CCDC9: variants seen among roughly 807,000 people sequenced by gnomAD.
CCDC9 encodes the protein coiled-coil domain containing 9.
A neutral mutation model predicts 65.6 loss-of-function variants in CCDC9; 52 were observed. The observed-to-expected ratio is 0.79, with a 90% CI of 0.63 to 1.00. The LOEUF is 1.00. Ranked by LOEUF, CCDC9 falls within the 50% of genes least tolerant of loss-of-function variation. The pLI is 0.00. For synonymous variants in CCDC9, 332 were observed against 280.3 expected, an observed-to-expected ratio of 1.18 and a Z score of -1.84; for missense variants, 834 against 757.2, an observed-to-expected ratio of 1.10 and a Z score of -1.19.
rs369662002 is a variant in CCDC9, at chr19:47,267,114, G to A, written c.902+322G>A. On this transcript the variant is annotated intron_variant, in intron 8 of 11. Transcript: ENST00000221922. ...CGAATAGCTGGGACTACAGGCGTCC[G>A]CCACCACGTCCAACTAATTTTTTGT... Among the ~76,000 whole-genome samples the A allele has an allele frequency of 1.1e-4, 17 of 151,558 alleles. 1 individual carries two copies. The East Asian group carries it at 3.0e-3, about 26-fold the overall frequency.
At chr19:47,273,543 C>T, downstream of CCDC9, 1 of 460,488 alleles carries the variant, frequency 2.2e-6, no homozygotes, top group Non-Finnish European at 3.5e-6. Context: ...CTGCCACACT[C>T]CAGCCAGGAG....
chr19:47,270,432 C>G lies in CCDC9; in HGVS notation c.928C>G (p.His310Asp). The change falls in exon 9 of 12, where the codon CAT (histidine) becomes GAT (aspartate). Residue 310 changes from histidine to aspartate, a missense_variant. His to Asp is a moderately conservative substitution (Grantham distance 81). Coordinates refer to ENST00000221922, the MANE Select transcript of CCDC9 (RefSeq NM_015603.3). ...GMFKDGPVPA[H>D]EPSHRYDDQA... ...GTTCAAGGATGGCCCAGTCCCTGCC[C>G]ATGAACCATCCCACCGCTATGGTGA... is the stretch of plus-strand genomic sequence containing the variant. The G allele has an allele frequency of 6.2e-7, 1 of 1,614,204 alleles. No homozygotes were observed. Among genetic ancestry groups the G allele is most frequent in the Non-Finnish European group, 8.5e-7 (1 of 1,180,034 alleles).
downstream of CCDC9, chr19:47,273,568 G>A: frequency 2.3e-6 from 1 of 426,726 alleles, no homozygotes; most frequent in East Asian, 3.6e-5. Flanking sequence ...TTAAATCTAA[G>A]GGGGGAGGAG....
chr19:47,264,660 A>G lies in CCDC9; in HGVS notation c.520A>G (p.Ile174Val), dbSNP rs2059068440. Reference sequence around the variant, plus strand: ...GAAGATGAATGAGGAGATGGAGAAGATCGCCGAGTATGAGCGCAACCAGCG... The same window carrying G: ...GAAGATGAATGAGGAGATGGAGAAGGTCGCCGAGTATGAGCGCAACCAGCG... The part of the protein sequence containing the change: ...IEKMNEEMEK[I>V]AEYERNQREG... Residue 174 changes from isoleucine to valine, a missense_variant, in exon 6 of 12, where the codon ATC becomes GTC. Physicochemically the swap from Ile to Val is conservative, Grantham distance 29. Coordinates refer to ENST00000221922, the MANE Select transcript of CCDC9 (RefSeq NM_015603.3). 1 of 1,604,878 alleles carries G rather than the reference A, an allele frequency of 6.2e-7. No homozygotes were observed. Among genetic ancestry groups the G allele is most frequent in the African/African-American group, 1.3e-5 (1 of 74,794 alleles).
downstream of CCDC9, chr19:47,275,219 CG>C: frequency 6.5e-7 from 1 of 1,528,784 alleles, no homozygotes; most frequent in Non-Finnish European, 8.8e-7. Flanking sequence ...TGGGAGTCCC[CG>C]GCGGGCCGCG....
Position 47,271,268 on chromosome 19 carries a change from C to T in CCDC9, c.1192-6C>T, listed in dbSNP as rs759039484. The stretch of plus-strand genomic sequence containing the variant: ...GCCTTGCCCTGACTTGCCTGTGTCC[C>T]CAAAGCCACCCGAGATCCCAGCTCC... On this transcript the variant is annotated splice_polypyrimidine_tract_variant and splice_region_variant and intron_variant, in intron 11 of 11. Coordinates refer to ENST00000221922, the MANE Select transcript of CCDC9 (RefSeq NM_015603.3). The T allele has an allele frequency of 1.9e-6, 3 of 1,611,964 alleles. No individual in the cohort carries two copies. Among genetic ancestry groups the T allele is most frequent in the East Asian group, 4.5e-5 (2 of 44,814 alleles).
chr19:47,271,720 TGTGTGTGTGTGTGCGCGCGCGCGCGCGC>T lies in CCDC9; in HGVS notation c.*44_*71del, dbSNP rs780662769. The stretch of plus-strand genomic sequence containing the variant: ...GTGTGTGTGTGTGTGTGTGTGTGTG[TGTGTGTGTGTGTGCGCGCGCGCGCGCGC>T]GCGCGCGCGCGCTAGAGGGGTGTGG... On this transcript the variant is annotated 3_prime_UTR_variant, in exon 12 of 12. Transcript: ENST00000221922. 112 of 1,371,006 alleles carry T rather than the reference TGTGTGTGTGTGTGCGCGCGCGCGCGCGC, an allele frequency of 8.2e-5. No homozygotes were observed. The highest frequency in any genetic ancestry group is 4.2e-4 in the African/African-American group (20 of 47,428). The allele number at this position is 1,371,006 out of a possible 1,614,324, so 84.9% of individuals were successfully genotyped here.
intron 3 of CCDC9, 100 bp from the exon 4 acceptor site, chr19:47,260,221 G>A: frequency 1.2e-6 from 1 of 806,774 alleles, no homozygotes; most frequent in Non-Finnish European, 2.1e-6. Flanking sequence ...CAGGAGAGAG[G>A]CCTGGGCTGG....
Position 47,260,847 on chromosome 19 carries a change from C to T in CCDC9, c.462+8C>T, listed in dbSNP as rs780210229. The T allele has an allele frequency of 2.5e-6, 4 of 1,605,392 alleles. No individual in the cohort carries two copies. The highest frequency in any genetic ancestry group is 2.5e-6 in the Non-Finnish European group (3 of 1,177,100). On this transcript the variant is annotated splice_region_variant and intron_variant, in intron 5 of 11. Transcript: ENST00000221922. ...TCTGACCGTAAATCCAAGGTAGGAG[C>T]TAGGCAGCGCCTGGAGCCCTGGCTG... is the stretch of plus-strand genomic sequence containing the variant.
downstream of CCDC9, chr19:47,275,315 G>A (rs927029786): frequency 3.2e-6 from 5 of 1,546,104 alleles, no homozygotes; most frequent in Non-Finnish European, 4.4e-6. Flanking sequence ...CCAGAGAGAC[G>A]CCAGAGGCCG....
At chr19:47,262,016 C>T (rs1165526969) in intron 5 of CCDC9, among the ~76,000 whole-genome samples, 2 of 123,384 alleles carry the variant, frequency 1.6e-5, no homozygotes, top group African/African-American at 5.5e-5. Flanking sequence ...AGTGAAACTC[C>T]GTCTCAAAAA....
At chr19:47,269,162 C>T (rs1254772435) in intron 8 of CCDC9, among the ~76,000 whole-genome samples, 1 of 151,996 alleles carries the variant, frequency 6.6e-6, no homozygotes, top group African/African-American at 2.4e-5. Flanking sequence ...GAGTCCTCCT[C>T]TATGTCATGG....
At chr19:47,274,054 G>C, downstream of CCDC9, 1 of 858,092 alleles carries the variant, frequency 1.2e-6, no homozygotes, top group Non-Finnish European at 1.4e-6. Flanking sequence ...GGTTTATCTG[G>C]ATTTCCAGGC....
In CCDC9 at chr19:47,271,465, C is replaced by G. The variant is rs761956394; in HGVS notation, c.1383C>G (p.Pro461=). The change falls in exon 12 of 12, where the codon CCC becomes CCG. Residue 461 remains proline (P), a synonymous_variant. Transcript: ENST00000221922. ...QAPEAAPTGI[P]CSEQAHGVPF... ...CAGAGGCTGCCCCCACCGGGATCCCCTGCAGTGAGCAGGCCCACGGAGTCC... is the reference window on the plus strand; with the variant it reads ...CAGAGGCTGCCCCCACCGGGATCCCGTGCAGTGAGCAGGCCCACGGAGTCC... 1 of 1,613,780 alleles carries G rather than the reference C, an allele frequency of 6.2e-7. No homozygotes were observed. Among genetic ancestry groups the G allele is most frequent in the Admixed American group, 1.7e-5 (1 of 60,020 alleles).
In CCDC9 at chr19:47,261,454, C is replaced by T. The variant is rs141650402; in HGVS notation, c.462+615C>T. Reference sequence around the variant, plus strand: ...TCTAGCTGAGTGGCTTACAGCCCACCGTGGACATGGGTTGAATCTGGTTCT... The same window carrying T: ...TCTAGCTGAGTGGCTTACAGCCCACTGTGGACATGGGTTGAATCTGGTTCT... On this transcript the variant is annotated intron_variant, in intron 5 of 11. Transcript: ENST00000221922. Among the ~76,000 whole-genome samples the T allele has an allele frequency of 4.8e-4, 73 of 152,210 alleles. No homozygotes were observed. In the East Asian group the frequency reaches 0.012, roughly 25 times the overall value.
Position 47,270,698 on chromosome 19 carries a change from C to T in CCDC9, c.1085+10C>T, listed in dbSNP as rs765788216. ...CGCCCAGGGCCTACAGGTGGGGCACCCCTTCTGCGGGCTTGCATACCCCCA... is the reference window on the plus strand; with the variant it reads ...CGCCCAGGGCCTACAGGTGGGGCACTCCTTCTGCGGGCTTGCATACCCCCA... On this transcript the variant is annotated intron_variant, in intron 10 of 11. Coordinates refer to ENST00000221922, the MANE Select transcript of CCDC9 (RefSeq NM_015603.3). 8 of 1,607,484 alleles carry T rather than the reference C, an allele frequency of 5.0e-6. No individual in the cohort carries two copies. In the South Asian group the frequency reaches 6.6e-5, roughly 13 times the overall value.
downstream of CCDC9, chr19:47,273,768 G>A (rs2059139047): frequency 3.1e-6 from 1 of 318,676 alleles, no homozygotes; most frequent in East Asian, 5.1e-5. Context: ...GGCAGCCGGT[G>A]ACACTTCCGA....
At position 47,260,347 on chromosome 19, in the gene CCDC9, T is replaced by A; in HGVS notation, c.135T>A (p.Ala45=). Residue 45 remains alanine (A), a synonymous_variant, in exon 4 of 12, where the codon GCT becomes GCA. Coordinates refer to ENST00000221922, the MANE Select transcript of CCDC9 (RefSeq NM_015603.3). The stretch of plus-strand genomic sequence containing the variant: ...AGATTGAGGAAGACCGTAAGAAAGC[T>A]GAACTTGAGGGAGTCGCAGTCACAG... The part of the protein sequence containing the change: ...YQEIEEDRKK[A]ELEGVAVTAP... The A allele has an allele frequency of 6.3e-7, 1 of 1,598,608 alleles. No individual in the cohort carries two copies. Among genetic ancestry groups the A allele is most frequent in the Non-Finnish European group, 8.5e-7 (1 of 1,172,392 alleles).
chr19:47,268,261 A>G (rs549103328), intron 8 of CCDC9, among the ~76,000 whole-genome samples: 22 of 152,348 alleles, frequency 1.4e-4, no homozygotes, highest in African/African-American at 5.0e-4. Context: ...ACCAACTTCC[A>G]TAACCAAGAA....
Sources: gnomAD v4.1 joint callset for allele counts (sites outside exome capture counted in the v4.1 genomes callset) on GRCh38, gnomAD v4.1.1 for gene constraint, MANE v1.5 for transcripts, NCBI Gene and HGNC (gene_info 2026-07-23, HGNC 2026-07-21) for gene names.